Variants in CDH1 observed in about 807,000 individuals in gnomAD.
The protein encoded by CDH1 is cadherin-1.
In CDH1, 35 loss-of-function variants were observed where a neutral mutation model predicts 84.5. That is an observed-to-expected ratio of 0.41 (90% CI 0.32 to 0.55). The LOEUF (loss-of-function observed/expected upper bound fraction) is 0.55, where lower values mean the gene tolerates loss of function less well. Ranked by LOEUF, CDH1 falls within the 20% of genes least tolerant of loss-of-function variation. The pLI is 0.19. For synonymous variants in CDH1, 417 were observed against 439.0 expected, an observed-to-expected ratio of 0.95 and a Z score of 0.63; for missense variants, 994 against 1,126.6, an observed-to-expected ratio of 0.88 and a Z score of 1.68.
chr16:68,806,259 C>G (rs1034159569), intron 3 of CDH1, among the ~76,000 whole-genome samples: 8 of 152,048 alleles, frequency 5.3e-5, no homozygotes, highest in Non-Finnish European at 1.2e-4. Context: ...TCAAGCAATT[C>G]TCACGCCTCA....
intron 2 of CDH1, among the ~76,000 whole-genome samples, chr16:68,747,354 G>C (rs1962771915): frequency 6.6e-6 from 1 of 152,010 alleles, no homozygotes; most frequent in Admixed American, 6.6e-5. Context: ...TGCAGAGGCA[G>C]CTGGGCCAGG....
chr16:68,760,925 C>T (rs901294091), intron 2 of CDH1, among the ~76,000 whole-genome samples: 1 of 152,070 alleles, frequency 6.6e-6, no homozygotes, highest in African/African-American at 2.4e-5. Flanking sequence ...GGGGGATGCC[C>T]CAAGCCTAGA....
intron 2 of CDH1, among the ~76,000 whole-genome samples, chr16:68,765,995 C>T (rs552284794): frequency 6.6e-6 from 1 of 152,266 alleles, no homozygotes; most frequent in South Asian, 2.1e-4. Context: ...CACGGTGGCT[C>T]ATGCCTGTAA....
chr16:68,750,272 T>A (rs372664705), intron 2 of CDH1, among the ~76,000 whole-genome samples: 2 of 151,972 alleles, frequency 1.3e-5, no homozygotes, highest in South Asian at 2.1e-4. Context: ...TTCCTTTCGG[T>A]CTCTTTCAAC....
intron 11 of CDH1, among the ~76,000 whole-genome samples, chr16:68,820,139 C>A (rs1207640806): frequency 6.6e-6 from 1 of 151,828 alleles, no homozygotes; most frequent in African/African-American, 2.4e-5. Flanking sequence ...GTGGAGGCTG[C>A]AGTGAGCCAA....
chr16:68,813,270 C>G (rs1368560732), intron 8 of CDH1, 43 bp from the exon 9 acceptor site: 11 of 1,592,174 alleles, frequency 6.9e-6, no homozygotes, highest in Non-Finnish European at 8.6e-6. Flanking sequence ...GCTCTGCTAG[C>G]AGTCTTGGTA....
chr16:68,827,286 A>C (rs565635738), intron 13 of CDH1, among the ~76,000 whole-genome samples: 1 of 152,128 alleles, frequency 6.6e-6, no homozygotes, highest in East Asian at 1.9e-4. Flanking sequence ...AATAATAAAT[A>C]AATAAATAAA....
At chr16:68,829,531 T>G in intron 14 of CDH1, 123 bp from the exon 15 acceptor site, 2 of 987,048 alleles carry the variant, frequency 2.0e-6, no homozygotes, top group Non-Finnish European at 3.1e-6. Context: ...ATTAAACTGG[T>G]AAAGATCATA....
intron 2 of CDH1, among the ~76,000 whole-genome samples, chr16:68,780,509 G>A (rs1959845477): frequency 6.6e-6 from 1 of 152,074 alleles, no homozygotes; most frequent in Admixed American, 6.5e-5. Flanking sequence ...TCGCCATGTT[G>A]GCCAGGCTGA....
intron 9 of CDH1, among the ~76,000 whole-genome samples, chr16:68,814,109 C>T (rs1473855212): frequency 6.6e-6 from 1 of 150,938 alleles, no homozygotes; most frequent in Non-Finnish European, 1.5e-5. Flanking sequence ...GTGGTGTGCA[C>T]CTATAGTCCC....
intron 2 of CDH1, among the ~76,000 whole-genome samples, chr16:68,784,257 G>A (rs1959976365): frequency 6.6e-6 from 1 of 152,158 alleles, no homozygotes; most frequent in African/African-American, 2.4e-5. Flanking sequence ...TGATGTCCAA[G>A]GCCTTGGAGC....
intron 13 of CDH1, 54 bp from the exon 14 acceptor site, chr16:68,828,120 G>A (rs35325124): frequency 1.2e-6 from 2 of 1,607,456 alleles, no homozygotes; most frequent in Non-Finnish European, 1.7e-6. Context: ...TGCTGCTTCT[G>A]GCCTTCTTTA....
intron 2 of CDH1, among the ~76,000 whole-genome samples, chr16:68,772,525 T>C (rs955818730): frequency 6.6e-6 from 1 of 152,174 alleles, no homozygotes; most frequent in Non-Finnish European, 1.5e-5. Context: ...CACTTACAAC[T>C]GGCCTGGCTC....
intron 2 of CDH1, among the ~76,000 whole-genome samples, chr16:68,755,509 G>T (rs1448480439): frequency 1.3e-5 from 2 of 152,038 alleles, no homozygotes; most frequent in South Asian, 4.1e-4. Context: ...GCCTCCCAAA[G>T]TGCTAGGATT....
At chr16:68,805,253 C>G (rs1379921859) in intron 3 of CDH1, among the ~76,000 whole-genome samples, 1 of 151,538 alleles carries the variant, frequency 6.6e-6, no homozygotes, top group Non-Finnish European at 1.5e-5. Context: ...CTCCTGACCT[C>G]AAGCAGTCCA....
chr16:68,799,885 T>C (rs1167930389), intron 2 of CDH1, among the ~76,000 whole-genome samples: 2 of 151,898 alleles, frequency 1.3e-5, no homozygotes, highest in Non-Finnish European at 2.9e-5. Context: ...TGATGGCACA[T>C]GCCTGTAATC....
At chr16:68,793,066 G>C (rs1410588651) in intron 2 of CDH1, among the ~76,000 whole-genome samples, 1 of 152,150 alleles carries the variant, frequency 6.6e-6, no homozygotes, top group Admixed American at 6.5e-5. Flanking sequence ...GTCAACAGGG[G>C]TGCAGGAGCC....
intron 3 of CDH1, 102 bp downstream of exon 3, chr16:68,801,995 T>C (rs1960530788): frequency 1.0e-6 from 1 of 987,482 alleles, no homozygotes; most frequent in African/African-American, 1.6e-5. Flanking sequence ...TGGATGATTT[T>C]GTGTTGTAGG....
In CDH1 at chr16:68,759,346, A is replaced by G. The variant is rs150327888; in HGVS notation, c.163+20935A>G. Among the ~76,000 whole-genome samples the G allele has an allele frequency of 5.9e-5, 9 of 152,288 alleles. No homozygotes were observed. In the East Asian group the frequency reaches 1.7e-3, roughly 29 times the overall value. On this transcript the variant is annotated intron_variant, in intron 2 of 15. Coordinates refer to ENST00000261769, the MANE Select transcript of CDH1 (RefSeq NM_004360.5). The stretch of plus-strand genomic sequence containing the variant: ...GACCCCCATCTCTACCAATAATAAT[A>G]GTATTGTTATACAATGACCACAATA...
Sources: gnomAD v4.1 joint callset for allele counts (sites outside exome capture counted in the v4.1 genomes callset) on GRCh38, gnomAD v4.1.1 for gene constraint, MANE v1.5 for transcripts, NCBI Gene and HGNC (gene_info 2026-07-23, HGNC 2026-07-21) for gene names.